The following COL11A2 variants were observed in gnomAD, a reference collection of about 807,000 sequenced individuals.
COL11A2 encodes the protein collagen type XI alpha 2 chain.
In COL11A2, 116 loss-of-function variants were observed where a neutral mutation model predicts 273.4. The ratio of observed to expected loss-of-function variants is 0.42; its 90% CI spans 0.36 to 0.49. The LOEUF (loss-of-function observed/expected upper bound fraction) is 0.49, where lower values mean the gene tolerates loss of function less well. Among genes scored for constraint, COL11A2 ranks in the 20% least tolerant of loss-of-function variants. COL11A2 has a pLI of 0.00. For missense variants in COL11A2, 1,866 were observed against 2,309.0 expected (o/e 0.81, Z 3.93); for synonymous variants, 782 against 864.2 (o/e 0.90, Z 1.67).
At position 33,180,310 on chromosome 6, in the gene COL11A2, A is replaced by T. The variant is rs759179812; in HGVS notation, c.1307T>A (p.Leu436His). Residue 436 changes from leucine (L) to histidine (H), a missense_variant, in exon 12 of 66, where the codon CTC becomes CAC. Coordinates refer to ENST00000341947, the MANE Select transcript of COL11A2 (RefSeq NM_080680.3). ...ACCAGGAGCCCCATCTGATCCAGGG[A>T]GCCCTGCTCGGCCAGGGGGGCCCTG... is the stretch of plus-strand genomic sequence containing the variant. ...GERGPPGRAG[L>H]PGSDGAPGPP... The T allele has an allele frequency of 6.2e-7, 1 of 1,612,906 alleles. No homozygotes were observed. Among genetic ancestry groups the T allele is most frequent in the East Asian group, 2.2e-5 (1 of 44,880 alleles).
At position 33,177,160 on chromosome 6, in the gene COL11A2, C is replaced by T; in HGVS notation, c.2016+21G>A. The T allele has an allele frequency of 6.2e-7, 1 of 1,613,032 alleles. No individual in the cohort carries two copies. The highest frequency in any genetic ancestry group is 8.5e-7 in the Non-Finnish European group (1 of 1,180,012). ...ATCCCCACTCTAAACCCCCTGTCCTCCAAATCACTTAGTCACTTACCTTCT... is the reference window on the plus strand; with the variant it reads ...ATCCCCACTCTAAACCCCCTGTCCTTCAAATCACTTAGTCACTTACCTTCT... On this transcript the variant is annotated intron_variant, in intron 24 of 65. Coordinates refer to ENST00000341947, the MANE Select transcript of COL11A2 (RefSeq NM_080680.3). This position sits in a 1 kb window ranked among gnomAD's most constrained non-coding sequence, Gnocchi z 5.9.
rs1328394485 is a variant in COL11A2, at chr6:33,184,983, T to C, written c.939+9A>G. ...CCCCAGATGGGGTGAGGGTGGGGCA[T>C]AGAGTTACCTCCTCAAGGGGTGGCA... On this transcript the variant is annotated intron_variant, in intron 7 of 65. Coordinates refer to ENST00000341947, the MANE Select transcript of COL11A2 (RefSeq NM_080680.3). 1.9e-6 allele frequency: 3 copies of C among 1,550,642 alleles called. No individual in the cohort carries two copies. Among genetic ancestry groups the C allele is most frequent in the African/African-American group, 1.4e-5 (1 of 73,078 alleles).
rs1168298821 is a variant in COL11A2 at position 33,164,805 on chromosome 6, G to C, written c.4863+47C>G. ...ACCCAGAAACCACTAAGCCCTGAGG[G>C]GGTGCACTATGGGGCAGGGGAGGGG... On this transcript the variant is annotated intron_variant, in intron 64 of 65. Coordinates refer to ENST00000341947, the MANE Select transcript of COL11A2 (RefSeq NM_080680.3). The surrounding 1 kb of genome is among the most constrained non-coding windows in gnomAD (Gnocchi z 4.7). 6.7e-7 allele frequency: 1 copy of C among 1,498,688 alleles called. No individual in the cohort carries two copies. The highest frequency in any genetic ancestry group is 1.4e-5 in the African/African-American group (1 of 71,946). The allele number at this position is 1,498,688 out of a possible 1,614,324, so 92.8% of individuals were successfully genotyped here. A position where few individuals can be genotyped will look rare whatever the true frequency, so the allele number is the denominator to read the frequency against.
rs1188556519 is a variant in COL11A2, at chr6:33,172,374, T to C, written c.2903A>G (p.Asp968Gly). Residue 968 changes from aspartate to glycine, a missense_variant, in exon 40 of 66, where the codon GAC (aspartate) becomes GGC (glycine). Asp to Gly is a moderately conservative substitution (Grantham distance 94). Coordinates refer to ENST00000341947, the MANE Select transcript of COL11A2 (RefSeq NM_080680.3). Reference protein sequence around the residue: ...GTAGKEGTKGDPGPPGAPGKD... With the variant: ...GTAGKEGTKGGPGPPGAPGKD... ...CCCTGGGGCCCCAGGGGGACCAGGG[T>C]CACCCTAAAAGGAAAGGAGAGGTGA... The C allele has an allele frequency of 6.3e-7, 1 of 1,585,488 alleles. No individual in the cohort carries two copies. The highest frequency in any genetic ancestry group is 1.1e-5 in the South Asian group (1 of 87,274).
chr6:33,173,164 G>C lies in COL11A2; in HGVS notation c.2737-51C>G. On this transcript the variant is annotated intron_variant, in intron 37 of 65. Transcript: ENST00000341947. The surrounding 1 kb of genome is among the most constrained non-coding windows in gnomAD (Gnocchi z 6.3). The stretch of plus-strand genomic sequence containing the variant: ...AGTGAAAGCAGGTGTGGGCGCTGTG[G>C]GGCAGATTCCCAGGAGGAAGGATCC... 1.3e-6 allele frequency: 2 copies of C among 1,584,284 alleles called. No homozygotes were observed. The highest frequency in any genetic ancestry group is 4.6e-5 in the East Asian group (2 of 43,688).
In COL11A2 at chr6:33,172,584, CG is replaced by C; in HGVS notation, c.2843del (p.Pro948ArgfsTer36). The C allele has an allele frequency of 6.2e-7, 1 of 1,612,510 alleles. No individual in the cohort carries two copies. The highest frequency in any genetic ancestry group is 8.5e-7 in the Non-Finnish European group (1 of 1,179,892). ...PMGERGHPGPPGPPGEQGLPG... is the reference protein window; with the variant it reads ...PMGERGHPGPXGPPGEQGLPG... ...GTAGTCCCTGCTCTCCAGGGGGCCCCGGGGGGCCTGGGTGACCTCTCTCCCC... is the reference window on the plus strand; with the variant it reads ...GTAGTCCCTGCTCTCCAGGGGGCCCCGGGGGCCTGGGTGACCTCTCTCCCC... On this transcript the variant is annotated frameshift_variant, in exon 39 of 66. Transcript: ENST00000341947. LOFTEE classifies it high-confidence loss of function.
intron 1 of COL11A2, among the ~76,000 whole-genome samples, chr6:33,191,770 C>A (rs1422463616): frequency 6.6e-6 from 1 of 152,182 alleles, no homozygotes; most frequent in South Asian, 2.1e-4. Context: ...CCAGAGATAT[C>A]GACAGAAAGG....
upstream of COL11A2, among the ~76,000 whole-genome samples, chr6:33,192,944 C>T (rs1773323761): frequency 6.6e-6 from 1 of 152,074 alleles, no homozygotes; most frequent in Non-Finnish European, 1.5e-5. Flanking sequence ...ATAGACAAGG[C>T]TATAGATAGC....
chr6:33,186,879 G>A lies in COL11A2; in HGVS notation c.607-61C>T, dbSNP rs2855459. 209,663 of 1,607,328 alleles carry A rather than the reference G, an allele frequency of 0.13. 14,825 individuals carry two copies. Among genetic ancestry groups the A allele is most frequent in the South Asian group, 0.18 (16,666 of 91,026 alleles). On this transcript the variant is annotated intron_variant, in intron 4 of 65. Coordinates refer to ENST00000341947, the MANE Select transcript of COL11A2 (RefSeq NM_080680.3). ...CAGAGAGAGGCAGAGGGTATCATCC[G>A]GGAGAAAGAGTATAGGAGGCCAATC...
Position 33,177,072 on chromosome 6 carries a change from T to G in COL11A2, c.2017-27A>C, listed in dbSNP as rs2150571374. 6.2e-7 allele frequency: 1 copy of G among 1,612,470 alleles called. No individual in the cohort carries two copies. The highest frequency in any genetic ancestry group is 8.5e-7 in the Non-Finnish European group (1 of 1,179,816). The stretch of plus-strand genomic sequence containing the variant: ...TGCAGGAAGACAAAGAGGCTCAGGG[T>G]CACTAGAGGGGTCATGTCTGGACAC... On this transcript the variant is annotated intron_variant, in intron 24 of 65. Transcript: ENST00000341947. This position sits in a 1 kb window ranked among gnomAD's most constrained non-coding sequence, Gnocchi z 5.9.
At position 33,167,866 on chromosome 6, in the gene COL11A2, G is replaced by A; in HGVS notation, c.3961-14C>T. On this transcript the variant is annotated splice_polypyrimidine_tract_variant and intron_variant, in intron 54 of 65. Transcript: ENST00000341947. The surrounding 1 kb of genome is among the most constrained non-coding windows in gnomAD (Gnocchi z 6.1). ...GCCAGCAGGACCCTGCAGGTGGAGT[G>A]GGAAGGAAGAGCACATGAGGCCGTG... 4 of 1,612,806 alleles carry A rather than the reference G, an allele frequency of 2.5e-6. No homozygotes were observed. The highest frequency in any genetic ancestry group is 3.4e-6 in the Non-Finnish European group (4 of 1,179,926).
chr6:33,178,644 C>G lies in COL11A2; in HGVS notation c.1719+35G>C, dbSNP rs962252215. 2.5e-6 allele frequency: 4 copies of G among 1,611,618 alleles called. No individual in the cohort carries two copies. Among genetic ancestry groups the G allele is most frequent in the Non-Finnish European group, 3.4e-6 (4 of 1,179,052 alleles). ...ATCCTCACTCCCATAGAAGATCTAT[C>G]CCCAATTACAACACACACCCACTAA... On this transcript the variant is annotated intron_variant, in intron 18 of 65. Transcript: ENST00000341947. The surrounding 1 kb of genome is among the most constrained non-coding windows in gnomAD (Gnocchi z 4.6).
At chr6:33,183,228 G>A (rs2150597228) in intron 8 of COL11A2, among the ~76,000 whole-genome samples, 1 of 152,302 alleles carries the variant, frequency 6.6e-6, no homozygotes, top group Middle Eastern at 3.4e-3. Context: ...ATGATGCCAG[G>A]GCCGAAGAAA....
In COL11A2 at chr6:33,179,713, A is replaced by C; in HGVS notation, c.1446+6T>G. The C allele has an allele frequency of 6.2e-7, 1 of 1,610,790 alleles. No homozygotes were observed. Among genetic ancestry groups the C allele is most frequent in the Non-Finnish European group, 8.5e-7 (1 of 1,179,760 alleles). On this transcript the variant is annotated splice_donor_region_variant and intron_variant, in intron 13 of 65. Coordinates refer to ENST00000341947, the MANE Select transcript of COL11A2 (RefSeq NM_080680.3). The surrounding 1 kb of genome is among the most constrained non-coding windows in gnomAD (Gnocchi z 6.4). ...CTTCCCTTTCCAGGGAAGCAGCCCC[A>C]CTCACCCTCGCCTGCTGCAGGATCG...
chr6:33,168,729 C>T lies in COL11A2; in HGVS notation c.3883G>A (p.Glu1295Lys), dbSNP rs758507327. The T allele has an allele frequency of 6.5e-5, 103 of 1,594,376 alleles. 1 individual carries two copies. The highest frequency in any genetic ancestry group is 3.3e-4 in the Middle Eastern group (2 of 6,008). Residue 1295 changes from glutamate to lysine, a missense_variant, in exon 53 of 66, where the codon GAG becomes AAG. Physicochemically the swap from Glu to Lys is moderately conservative, Grantham distance 56 (BLOSUM62 1). Coordinates refer to ENST00000341947, the MANE Select transcript of COL11A2 (RefSeq NM_080680.3). ...ACAGGCTGTCCTGGCTCACCATCCT[C>T]GCCTCGGTCACCCTTAGCACCATCC... ...GQDGAKGDRG[E>K]DGEPGQPGSP...
At chr6:33,175,706 A>G (rs545848400) in intron 29 of COL11A2, 25 bp from the exon 30 acceptor site, 2 of 1,603,062 alleles carry the variant, frequency 1.2e-6, no homozygotes, top group Non-Finnish European at 1.7e-6. Context: ...AGGACAGGTG[A>G]GTGCTGGGGA....
chr6:33,173,291 G>A lies in COL11A2; in HGVS notation c.2736+57C>T, dbSNP rs887412426. ...CCCTGTGGGCTTTCCAGACAGCTCTGGGGTTAAAGGGTCTGATGGAGCCCC... is the reference window on the plus strand; with the variant it reads ...CCCTGTGGGCTTTCCAGACAGCTCTAGGGTTAAAGGGTCTGATGGAGCCCC... On this transcript the variant is annotated intron_variant, in intron 37 of 65. Coordinates refer to ENST00000341947, the MANE Select transcript of COL11A2 (RefSeq NM_080680.3). This position sits in a 1 kb window ranked among gnomAD's most constrained non-coding sequence, Gnocchi z 6.3. The A allele has an allele frequency of 2.5e-6, 4 of 1,600,556 alleles. No homozygotes were observed. The African/African-American group carries it at 5.4e-5, about 21-fold the overall frequency.
chr6:33,185,023 A>C lies in COL11A2; in HGVS notation c.908T>G (p.Leu303Arg). The change falls in exon 7 of 66, where the codon CTG becomes CGG. Residue 303 changes from leucine (L) to arginine (R), a missense_variant. Transcript: ENST00000341947. The part of the protein sequence containing the change: ...DPTPGEEEEI[L>R]ESSLLPPLEE... ...AAGGGGTGGCAAGAGGCTCGACTCCAGGATTTCTTCCTCTTCACCTGGGGT... is the reference window on the plus strand; with the variant it reads ...AAGGGGTGGCAAGAGGCTCGACTCCCGGATTTCTTCCTCTTCACCTGGGGT... 1 of 1,551,452 alleles carries C rather than the reference A, an allele frequency of 6.4e-7. No individual in the cohort carries two copies. The highest frequency in any genetic ancestry group is 8.7e-7 in the Non-Finnish European group (1 of 1,146,832).
At position 33,169,354 on chromosome 6, in the gene COL11A2, G is replaced by A. The variant is rs749697105; in HGVS notation, c.3798+29C>T. Reference sequence around the variant, plus strand: ...GGTCTGTCATTCACAGGGCCTGAGAGGACTCAGCCCCCACTGCCCCAAACT... The same window carrying A: ...GGTCTGTCATTCACAGGGCCTGAGAAGACTCAGCCCCCACTGCCCCAAACT... On this transcript the variant is annotated intron_variant, in intron 51 of 65. Coordinates refer to ENST00000341947, the MANE Select transcript of COL11A2 (RefSeq NM_080680.3). This position sits in a 1 kb window ranked among gnomAD's most constrained non-coding sequence, Gnocchi z 5.5. The A allele has an allele frequency of 1.3e-6, 2 of 1,560,816 alleles. No homozygotes were observed. Among genetic ancestry groups the A allele is most frequent in the Non-Finnish European group, 1.8e-6 (2 of 1,134,120 alleles).
Sources: gnomAD v4.1 joint callset for allele counts (sites outside exome capture counted in the v4.1 genomes callset) on GRCh38, gnomAD v4.1.1 for gene constraint, Gnocchi (gnomAD v3.1) non-coding constraint, MANE v1.5 for transcripts, NCBI Gene and HGNC (gene_info 2026-07-23, HGNC 2026-07-21) for gene names.